NRG3: variants seen among roughly 807,000 people sequenced by gnomAD.
NRG3 encodes the protein pro-neuregulin-3, membrane-bound isoform.
In NRG3, 31 loss-of-function variants were observed where a neutral mutation model predicts 66.9. The ratio of observed to expected loss-of-function variants is 0.46; its 90% confidence interval spans 0.35 to 0.63. NRG3 has a LOEUF of 0.63. NRG3 is among the 20% of genes least tolerant of loss of function. NRG3 has a pLI of 0.00. For missense variants in NRG3, 910 were observed against 878.9 expected (o/e 1.04, Z -0.45); for synonymous variants, 393 against 359.4 (o/e 1.09, Z -1.06).
At position 82,443,969 on chromosome 10, in the gene NRG3, C is replaced by T. The variant is rs1418851342; in HGVS notation, c.953+85101C>T. The stretch of plus-strand genomic sequence containing the variant: ...TAAATACTGGGAAATAAAAGGAAAG[C>T]AATAATTTGCACTTTTCTATATCAA... On this transcript the variant is annotated intron_variant, in intron 2 of 8. Coordinates refer to ENST00000372141, the MANE Select transcript of NRG3 (RefSeq NM_001010848.4). Among the ~76,000 whole-genome samples the T allele has an allele frequency of 2.0e-5, 3 of 152,188 alleles. No individual in the cohort carries two copies. In the East Asian group the frequency reaches 5.8e-4, roughly 29 times the overall value.
At position 82,257,838 on chromosome 10, in the gene NRG3, GC is replaced by G. The variant is rs1023714813; in HGVS notation, c.824-100900del. Among the ~76,000 whole-genome samples the G allele has an allele frequency of 4.5e-4, 68 of 152,056 alleles. 3 individuals carry two copies. Among genetic ancestry groups the G allele is most frequent in the Non-Finnish European group, 1.5e-5 (1 of 68,016 alleles). On this transcript the variant is annotated intron_variant, in intron 1 of 8. Transcript: ENST00000372141. ...CAAAATAAAATCACCATATTTTCTT[GC>G]ACTTTGCCCTGAAAAGCATAGTATT...
At chr10:82,539,158 C>A (rs983757855) in intron 2 of NRG3, among the ~76,000 whole-genome samples, 1 of 152,192 alleles carries the variant, frequency 6.6e-6, no homozygotes, top group Admixed American at 6.5e-5. Flanking sequence ...AGCAATAGTT[C>A]ATACCTGTAA....
chr10:82,005,103 G>A (rs765579936), intron 1 of NRG3, among the ~76,000 whole-genome samples: 7 of 152,212 alleles, frequency 4.6e-5, no homozygotes, highest in East Asian at 1.9e-4. Context: ...ATGACTGACC[G>A]AAGGTCAGGG....
chr10:82,223,602 A>G (rs529291870), intron 1 of NRG3, among the ~76,000 whole-genome samples: 1 of 150,848 alleles, frequency 6.6e-6, no homozygotes, highest in East Asian at 2.0e-4. Flanking sequence ...GCCTTTGTGC[A>G]CTCAGAATGC....
chr10:82,511,106 T>C (rs771705529), intron 2 of NRG3, among the ~76,000 whole-genome samples: 1 of 152,178 alleles, frequency 6.6e-6, no homozygotes, highest in Non-Finnish European at 1.5e-5. Context: ...GGATGTTTGG[T>C]TCTCTTATGA....
Position 82,446,253 on chromosome 10 carries a change from C to A in NRG3, c.953+87385C>A, listed in dbSNP as rs547772033. Reference sequence around the variant, plus strand: ...AATGGAAGAAACTGTGGACTTTAAACTCACGCAGTATTGGCACAAAGTAGG... The same window carrying A: ...AATGGAAGAAACTGTGGACTTTAAAATCACGCAGTATTGGCACAAAGTAGG... On this transcript the variant is annotated intron_variant, in intron 2 of 8. Coordinates refer to ENST00000372141, the MANE Select transcript of NRG3 (RefSeq NM_001010848.4). Among the ~76,000 whole-genome samples the A allele has an allele frequency of 1.6e-4, 24 of 152,294 alleles. No individual in the cohort carries two copies. The South Asian group carries it at 4.6e-3, about 29-fold the overall frequency.
intron 1 of NRG3, among the ~76,000 whole-genome samples, chr10:82,169,458 A>G (rs2072382015): frequency 6.7e-6 from 1 of 149,332 alleles, no homozygotes; most frequent in African/African-American, 2.5e-5. Flanking sequence ...TTTGTTTTTC[A>G]CTTCCCTTCT....
At chr10:82,530,610 A>T (rs1847153130) in intron 2 of NRG3, among the ~76,000 whole-genome samples, 1 of 151,978 alleles carries the variant, frequency 6.6e-6, no homozygotes, top group South Asian at 2.1e-4. Flanking sequence ...TTTTAATAAA[A>T]TTATGCATTC....
At chr10:82,218,455 G>T (rs2075791047) in intron 1 of NRG3, among the ~76,000 whole-genome samples, 1 of 152,140 alleles carries the variant, frequency 6.6e-6, no homozygotes, top group African/African-American at 2.4e-5. Flanking sequence ...GTTCTGTTCA[G>T]CCATGGAGGA....
rs1404401772 is a variant in NRG3 at position 82,781,188 on chromosome 10, T to C, written c.1027+42538T>C. Among the ~76,000 whole-genome samples, 3 of 152,146 alleles carry C rather than the reference T, an allele frequency of 2.0e-5. No homozygotes were observed. In the East Asian group the frequency reaches 5.8e-4, roughly 29 times the overall value. On this transcript the variant is annotated intron_variant, in intron 3 of 8. Coordinates refer to ENST00000372141, the MANE Select transcript of NRG3 (RefSeq NM_001010848.4). ...TCCACATCTCAGAGTCCTCCTATGG[T>C]TGTCTGTTGTGTTATCTTTAAGGTT...
intron 3 of NRG3, among the ~76,000 whole-genome samples, chr10:82,796,836 A>G (rs1265560900): frequency 2.6e-5 from 4 of 152,100 alleles, no homozygotes; most frequent in African/African-American, 4.8e-5. Context: ...AATCTTGGTC[A>G]ACTCTTATAC....
chr10:82,618,347 G>A (rs1239543316), intron 2 of NRG3, among the ~76,000 whole-genome samples: 2 of 152,102 alleles, frequency 1.3e-5, no homozygotes, highest in African/African-American at 4.8e-5. Flanking sequence ...TATGCGGGGA[G>A]TTGGTCCAAT....
intron 2 of NRG3, among the ~76,000 whole-genome samples, chr10:82,448,236 C>G (rs2090840393): frequency 6.6e-6 from 1 of 152,124 alleles, no homozygotes; most frequent in Non-Finnish European, 1.5e-5. Context: ...TGTGATTTTT[C>G]TGGAGAGGAA....
chr10:82,761,845 T>C (rs969647030), intron 3 of NRG3, among the ~76,000 whole-genome samples: 6 of 151,684 alleles, frequency 4.0e-5, no homozygotes, highest in Admixed American at 3.3e-4. Context: ...TGCACAAATA[T>C]AAATTGTATT....
intron 2 of NRG3, among the ~76,000 whole-genome samples, chr10:82,466,876 T>C (rs1210568327): frequency 6.7e-6 from 1 of 148,238 alleles, no homozygotes; most frequent in Non-Finnish European, 1.5e-5. Context: ...AGGGGTATTA[T>C]GCTGGGTTTC....
intron 1 of NRG3, among the ~76,000 whole-genome samples, chr10:81,893,570 G>A (rs1261724782): frequency 3.9e-5 from 6 of 152,020 alleles, no homozygotes; most frequent in Admixed American, 1.3e-4. Flanking sequence ...TGATCCTCCC[G>A]TAAATCCCCT....
chr10:82,529,423 A>C (rs1177590172), intron 2 of NRG3, among the ~76,000 whole-genome samples: 1 of 152,224 alleles, frequency 6.6e-6, no homozygotes, highest in African/African-American at 2.4e-5. Flanking sequence ...ATAAAAGTTC[A>C]GGCTTCCAGT....
intron 4 of NRG3, among the ~76,000 whole-genome samples, chr10:82,874,536 G>C (rs144275359): frequency 0.011 from 1,651 of 152,072 alleles, 16 homozygotes; most frequent in Non-Finnish European, 0.015. Flanking sequence ...GTGTGTTTGT[G>C]GAGGAGTGCC....
intron 2 of NRG3, among the ~76,000 whole-genome samples, chr10:82,518,414 A>C (rs1265490696): frequency 6.6e-6 from 1 of 152,174 alleles, no homozygotes; most frequent in Non-Finnish European, 1.5e-5. Flanking sequence ...AATCCATGCT[A>C]CCGTGGAGCT....
Sources: allele counts gnomAD v4.1 joint callset (sites outside exome capture counted in the v4.1 genomes callset), GRCh38; gene constraint gnomAD v4.1.1; transcripts MANE v1.5; gene names NCBI Gene and HGNC (gene_info 2026-07-23, HGNC 2026-07-21).